EEPD1: variants seen among roughly 807,000 people sequenced by gnomAD.
EEPD1 encodes the protein endonuclease/exonuclease/phosphatase family domain containing 1, also known as endonuclease/exonuclease/phosphatase family domain-containing protein 1.
EEPD1 carries 17 observed loss-of-function variants against 46.3 expected under a neutral mutation model. The ratio of observed to expected loss-of-function variants is 0.37; its 90% confidence interval spans 0.25 to 0.55. The LOEUF (loss-of-function observed/expected upper bound fraction) is 0.55. Among genes scored for constraint, EEPD1 ranks in the 20% least tolerant of loss-of-function variants. The pLI, the probability that EEPD1 is intolerant of heterozygous loss-of-function variation, is 0.83. For missense variants in EEPD1, 673 were observed against 745.6 expected (o/e 0.90, Z 1.13); for synonymous variants, 313 against 315.6 (o/e 0.99, Z 0.09).
intron 3 of EEPD1, among the ~76,000 whole-genome samples, chr7:36,269,762 A>G (rs566821504): frequency 2.0e-5 from 3 of 152,212 alleles, no homozygotes; most frequent in Admixed American, 6.5e-5. Context: ...AAATAAAGCA[A>G]AACCCAGCAA....
At chr7:36,170,154 C>T (rs1014685342) in intron 2 of EEPD1, among the ~76,000 whole-genome samples, 2 of 152,172 alleles carry the variant, frequency 1.3e-5, no homozygotes, top group Non-Finnish European at 1.5e-5. Context: ...CCTGTAATCC[C>T]AGCACTTTGC....
chr7:36,239,557 T>C (rs1354179768), intron 3 of EEPD1, among the ~76,000 whole-genome samples: 2 of 152,186 alleles, frequency 1.3e-5, no homozygotes, highest in African/African-American at 2.4e-5. Context: ...CATGCGTTTT[T>C]ATCTCTTTTT....
intron 3 of EEPD1, among the ~76,000 whole-genome samples, chr7:36,259,192 C>G (rs1049051130): frequency 6.6e-6 from 1 of 152,154 alleles, no homozygotes; most frequent in East Asian, 1.9e-4. Context: ...TAACCAGTCT[C>G]AATGAGATGA....
At chr7:36,295,198 A>G (rs144857756) in intron 6 of EEPD1, among the ~76,000 whole-genome samples, 11 of 152,058 alleles carry the variant, frequency 7.2e-5, no homozygotes, top group African/African-American at 2.4e-4. Context: ...AAGAAAAAAT[A>G]TGTATATACA....
intron 7 of EEPD1, among the ~76,000 whole-genome samples, 153 bp from the exon 8 acceptor site, chr7:36,298,854 C>T (rs1355086677): frequency 6.6e-6 from 1 of 152,232 alleles, no homozygotes; most frequent in East Asian, 1.9e-4. Context: ...TATGCACAGG[C>T]AAATGCACAG....
chr7:36,264,781 T>C (rs1786986156), intron 3 of EEPD1, among the ~76,000 whole-genome samples: 1 of 152,158 alleles, frequency 6.6e-6, no homozygotes, highest in Admixed American at 6.6e-5. Context: ...AACTAAAAGA[T>C]AGCTTGGGTA....
chr7:36,208,026 C>T (rs1385840775), intron 2 of EEPD1, among the ~76,000 whole-genome samples: 1 of 152,134 alleles, frequency 6.6e-6, no homozygotes. Context: ...AACGGTGCCT[C>T]CTCTGTACTC....
intron 2 of EEPD1, among the ~76,000 whole-genome samples, chr7:36,175,043 T>C (rs1270464236): frequency 6.6e-6 from 1 of 152,198 alleles, no homozygotes; most frequent in East Asian, 1.9e-4. Flanking sequence ...AAGAGCTGGA[T>C]TGGTTACAAG....
At chr7:36,192,891 C>T (rs948590097) in intron 2 of EEPD1, among the ~76,000 whole-genome samples, 29 of 152,210 alleles carry the variant, frequency 1.9e-4, no homozygotes, top group African/African-American at 6.0e-4. Context: ...GCATGTTCTC[C>T]ATGAGGATGA....
intron 3 of EEPD1, among the ~76,000 whole-genome samples, chr7:36,258,594 G>C (rs1786863747): frequency 6.6e-6 from 1 of 152,160 alleles, no homozygotes. Flanking sequence ...GCTCCGCCCA[G>C]TTGGAACTTC....
intron 3 of EEPD1, among the ~76,000 whole-genome samples, chr7:36,241,211 C>G (rs919528254): frequency 6.6e-6 from 1 of 152,144 alleles, no homozygotes; most frequent in Non-Finnish European, 1.5e-5. Context: ...TGCGGTGGCT[C>G]ACACCTATAA....
intron 3 of EEPD1, among the ~76,000 whole-genome samples, chr7:36,268,167 T>C (rs116509999): frequency 0.025 from 3,830 of 152,236 alleles, 165 homozygotes; most frequent in African/African-American, 0.087. Flanking sequence ...TGTTGTTGTT[T>C]TTGAGACGGA....
intron 2 of EEPD1, among the ~76,000 whole-genome samples, chr7:36,219,475 G>C (rs1786094010): frequency 6.7e-6 from 1 of 149,384 alleles, no homozygotes; most frequent in Admixed American, 6.7e-5. Context: ...AAACCAGCCT[G>C]AGCAACTTAG....
intron 3 of EEPD1, among the ~76,000 whole-genome samples, chr7:36,271,375 T>C: frequency 6.6e-6 from 1 of 152,320 alleles, no homozygotes; most frequent in African/African-American, 2.4e-5. Flanking sequence ...GATGAGCTTT[T>C]GTTCATATGT....
chr7:36,188,451 G>C (rs1057261438), intron 2 of EEPD1, among the ~76,000 whole-genome samples: 4 of 152,178 alleles, frequency 2.6e-5, no homozygotes, highest in African/African-American at 9.7e-5. Flanking sequence ...GGGTGCTGTG[G>C]TCATGACCTT....
chr7:36,236,731 A>G (rs958125899), intron 2 of EEPD1, among the ~76,000 whole-genome samples: 1 of 152,178 alleles, frequency 6.6e-6, no homozygotes, highest in Non-Finnish European at 1.5e-5. Context: ...GTCTAGCTAA[A>G]GGATTGTAAA....
chr7:36,188,618 A>G (rs1785407499), intron 2 of EEPD1, among the ~76,000 whole-genome samples: 1 of 152,190 alleles, frequency 6.6e-6, no homozygotes, highest in African/African-American at 2.4e-5. Flanking sequence ...AAGGTTATGA[A>G]TCAACAATCA....
At chr7:36,292,712 C>T (rs1787467886) in intron 6 of EEPD1, among the ~76,000 whole-genome samples, 2 of 152,032 alleles carry the variant, frequency 1.3e-5, no homozygotes, top group Non-Finnish European at 2.9e-5. Context: ...TTCACTATGT[C>T]GGCCAGGCTG....
intron 3 of EEPD1, among the ~76,000 whole-genome samples, chr7:36,246,671 A>G (rs1786645247): frequency 6.6e-6 from 1 of 151,902 alleles, no homozygotes. Flanking sequence ...GATGCCTGTC[A>G]GTCCTCCCTG....
Sources: allele counts gnomAD v4.1 joint callset (sites outside exome capture counted in the v4.1 genomes callset), GRCh38; gene constraint gnomAD v4.1.1; transcripts MANE v1.5; gene names NCBI Gene and HGNC (gene_info 2026-07-23, HGNC 2026-07-21).